Variants in PHLDB1 observed in about 807,000 individuals in gnomAD.
PHLDB1 encodes pleckstrin homology-like domain family B member 1.
Under a neutral mutation model 139.3 loss-of-function variants are expected in PHLDB1, and 65 were observed. That is an observed-to-expected ratio of 0.47 (90% CI 0.38 to 0.57). The LOEUF (loss-of-function observed/expected upper bound fraction) is 0.57. PHLDB1 is among the 20% of genes least tolerant of loss of function. PHLDB1 has a pLI of 0.00. For missense variants in PHLDB1, 1,624 were observed against 1,839.7 expected, an observed-to-expected ratio of 0.88 and a Z score of 2.14; for synonymous variants, 679 against 734.5, an observed-to-expected ratio of 0.92 and a Z score of 1.22.
intron 17 of PHLDB1, chr11:118,647,258 C>T (rs1038261120): frequency 2.6e-5 from 4 of 152,164 alleles, no homozygotes; most frequent in African/African-American, 4.8e-5. Context: ...ACCCATGTTG[C>T]GAGGATTCAG....
At chr11:118,649,674 A>C (rs1948078521) in intron 18 of PHLDB1, among the ~76,000 whole-genome samples, 1 of 152,174 alleles carries the variant, frequency 6.6e-6, no homozygotes, top group Admixed American at 6.5e-5. Flanking sequence ...ACTGAGGCCC[A>C]GAGAAGGGAT....
chr11:118,613,869 T>G lies in PHLDB1; in HGVS notation c.33T>G (p.Pro11=), dbSNP rs781834869. 8.1e-6 allele frequency: 13 copies of G among 1,611,570 alleles called. No homozygotes were observed. The highest frequency in any genetic ancestry group is 8.5e-6 in the Non-Finnish European group (10 of 1,178,112). ...CTCTCAATAGGAACCAAATAGGCCC[T>G]GGATGCCAGACCCAGACCATGGTGC... MDALNRNQIG[P]GCQTQTMVQK... is the part of the protein sequence containing the mutation. The change falls in exon 2 of 23, where the codon CCT becomes CCG. Residue 11 remains proline, a synonymous_variant. Coordinates refer to ENST00000600882, the MANE Select transcript of PHLDB1 (RefSeq NM_001144758.3).
chr11:118,650,198 A>G lies in PHLDB1; in HGVS notation c.3771+5A>G. Reference sequence around the variant, plus strand: ...CACGTGGTGCTCAGCAGCAAGGTACAAGGCGTGTGTGGCCCTGGGGTGCTG... The same window carrying G: ...CACGTGGTGCTCAGCAGCAAGGTACGAGGCGTGTGTGGCCCTGGGGTGCTG... On this transcript the variant is annotated splice_donor_5th_base_variant and intron_variant, in intron 19 of 22. Transcript: ENST00000600882. This position sits in a 1 kb window ranked among gnomAD's most constrained non-coding sequence, Gnocchi z 4.7. The G allele has an allele frequency of 6.2e-7, 1 of 1,602,242 alleles. No homozygotes were observed. The highest frequency in any genetic ancestry group is 8.6e-7 in the Non-Finnish European group (1 of 1,169,204).
rs1044874885 is a variant in PHLDB1 at position 118,610,169 on chromosome 11, C to T, written c.-22+2470C>T. The stretch of plus-strand genomic sequence containing the variant: ...CCGCATCCTCTGCCCTCGGTCTTCC[C>T]CTCCCCAGCTTGCATTTTTTCCCAT... On this transcript the variant is annotated intron_variant, in intron 1 of 22. Transcript: ENST00000600882. This position sits in a 1 kb window ranked among gnomAD's most constrained non-coding sequence, Gnocchi z 8.7. Among the ~76,000 whole-genome samples, 1 of 151,972 alleles carries T rather than the reference C, an allele frequency of 6.6e-6. No homozygotes were observed. The highest frequency in any genetic ancestry group is 1.9e-4 in the East Asian group (1 of 5,140).
intron 10 of PHLDB1, chr11:118,637,274 C>T (rs782684906): frequency 2.0e-5 from 3 of 152,216 alleles, no homozygotes; most frequent in Non-Finnish European, 4.4e-5. Context: ...TAGCAGAGTT[C>T]CTGGCTCCTA....
intron 1 of PHLDB1, among the ~76,000 whole-genome samples, chr11:118,612,083 C>G (rs1411742054): frequency 1.3e-5 from 2 of 151,104 alleles, no homozygotes; most frequent in African/African-American, 2.4e-5. Flanking sequence ...AACTTGTGCC[C>G]TTTTACAGTC....
intron 17 of PHLDB1, chr11:118,646,373 A>G (rs1042131001): frequency 6.6e-6 from 1 of 152,004 alleles, no homozygotes; most frequent in African/African-American, 2.4e-5. Context: ...CATAGTAACC[A>G]TTCTCTAACC....
At chr11:118,618,002 T>G (rs1335897873) in intron 4 of PHLDB1, among the ~76,000 whole-genome samples, 1 of 152,104 alleles carries the variant, frequency 6.6e-6, no homozygotes, top group Non-Finnish European at 1.5e-5. Flanking sequence ...CTGCATGTTG[T>G]GAGCAGGGTA....
At chr11:118,641,418 A>G in intron 12 of PHLDB1, 1 of 199,664 alleles carries the variant, frequency 5.0e-6, no homozygotes, top group Non-Finnish European at 1.0e-5. Flanking sequence ...AGCTTTCTTT[A>G]GCTCCTATGG....
At chr11:118,609,163 G>A (rs1565377517) in intron 1 of PHLDB1, among the ~76,000 whole-genome samples, 6 of 106,474 alleles carry the variant, frequency 5.6e-5, no homozygotes, top group Admixed American at 9.8e-5. Context: ...GCTCACACAA[G>A]CAGCCCGTCA....
chr11:118,624,603 T>C lies in PHLDB1; in HGVS notation c.356-331T>C, dbSNP rs1219475269. ...CTTTCTTCCTTTCTTTTTTTTTTTT[T>C]TTTTTTTTTTTTTTTGAGACAGAGT... is the stretch of plus-strand genomic sequence containing the variant. On this transcript the variant is annotated intron_variant, in intron 4 of 22. Transcript: ENST00000600882. 2.3e-3 allele frequency: 335 copies of C among 143,628 alleles called. 4 individuals are homozygous for C. Among genetic ancestry groups the C allele is most frequent in the African/African-American group, 7.2e-3 (272 of 37,834 alleles). 8.9% of individuals were successfully genotyped at this position (143,628 alleles called of 1,614,324 possible).
chr11:118,644,132 C>T lies in PHLDB1; in HGVS notation c.3079C>T (p.Gln1027Ter). 6.2e-7 allele frequency: 1 copy of T among 1,613,722 alleles called. No homozygotes were observed. The change falls in exon 15 of 23, where the codon CAG becomes TAG. Residue 1027 changes from glutamine (Q) to a stop codon, truncating the protein, a stop_gained. Coordinates refer to ENST00000600882, the MANE Select transcript of PHLDB1 (RefSeq NM_001144758.3). LOFTEE classifies it high-confidence loss of function. ...TCCTCGCAACCTGGCAGCCACACTG[C>T]AGGACATCGAGACCAAGCGCCAACT... ...SLPRNLAATLQDIETKRQLAL... is the reference protein window; with the variant it reads ...SLPRNLAATL
intron 6 of PHLDB1, chr11:118,629,992 C>G: frequency 1.6e-6 from 2 of 1,285,352 alleles, no homozygotes; most frequent in African/African-American, 3.1e-5. Flanking sequence ...GGTGGAGGCA[C>G]TGGCCCAGCC....
rs367933668 is a variant in PHLDB1 at position 118,616,064 on chromosome 11, G to C, written c.208G>C (p.Ala70Pro). The C allele has an allele frequency of 1.3e-4, 211 of 1,613,660 alleles. No homozygotes were observed. The highest frequency in any genetic ancestry group is 1.7e-4 in the Non-Finnish European group (202 of 1,179,810). ...EEGRTVIGSAARDISLQGPGL... is the reference protein window; with the variant it reads ...EEGRTVIGSAPRDISLQGPGL... Reference sequence around the variant, plus strand: ...AGGGAGGACGGTGATTGGCTCTGCAGCCAGAGACATCTCACTACAGGGCCC... The same window carrying C: ...AGGGAGGACGGTGATTGGCTCTGCACCCAGAGACATCTCACTACAGGGCCC... Residue 70 changes from alanine to proline, a missense_variant, in exon 4 of 23, where the codon GCC becomes CCC. By Grantham distance (27) the Ala-to-Pro change is conservative (BLOSUM62 -1). Coordinates refer to ENST00000600882, the MANE Select transcript of PHLDB1 (RefSeq NM_001144758.3).
At chr11:118,625,598 A>C (rs1293583296) in intron 5 of PHLDB1, among the ~76,000 whole-genome samples, 1 of 152,220 alleles carries the variant, frequency 6.6e-6, no homozygotes, top group African/African-American at 2.4e-5. Flanking sequence ...GCCCAGCTGC[A>C]CAGGGGGGCA....
At chr11:118,639,909 G>T in intron 12 of PHLDB1, 1 of 986,244 alleles carries the variant, frequency 1.0e-6, no homozygotes, top group Non-Finnish European at 1.2e-6. Context: ...GGGGACTAAG[G>T]CTCTGGGCCT....
At chr11:118,653,587 A>T (rs782394048) in intron 20 of PHLDB1, 1 of 152,170 alleles carries the variant, frequency 6.6e-6, no homozygotes, top group South Asian at 2.1e-4. Context: ...GTTCCTAGCC[A>T]TGCCTTTAGT....
chr11:118,639,292 T>G, intron 12 of PHLDB1, 41 bp downstream of exon 12: 1 of 1,483,488 alleles, frequency 6.7e-7, no homozygotes, highest in Non-Finnish European at 9.4e-7. Flanking sequence ...GCCCAAGGCG[T>G]GTCCTGGGAG....
chr11:118,641,643 G>A lies in PHLDB1; in HGVS notation c.2737-611G>A, dbSNP rs781979015. ...TGATGCTTGAGCAGCTAAAGGTGAT[G>A]CGGGGCACCTCGCCCATGCCCCCAG... On this transcript the variant is annotated intron_variant, in intron 12 of 22. Transcript: ENST00000600882. 6.1e-5 allele frequency: 78 copies of A among 1,287,754 alleles called. 1 individual carries two copies. In the South Asian group the frequency reaches 9.7e-4, roughly 16 times the overall value. 79.8% of individuals were successfully genotyped at this position (1,287,754 alleles called of 1,614,324 possible). A position where few individuals can be genotyped will look rare whatever the true frequency, so the allele number is the denominator to read the frequency against.
Sources: gnomAD v4.1 joint callset for allele counts (sites outside exome capture counted in the v4.1 genomes callset) on GRCh38, gnomAD v4.1.1 for gene constraint, Gnocchi (gnomAD v3.1) non-coding constraint, MANE v1.5 for transcripts, NCBI Gene and HGNC (gene_info 2026-07-23, HGNC 2026-07-21) for gene names.